The following KIF1B variants were observed in gnomAD, a reference collection of about 807,000 sequenced individuals.
KIF1B encodes the protein kinesin-like protein KIF1B.
A neutral mutation model predicts 241.9 loss-of-function variants in KIF1B; 76 were observed. That is an observed-to-expected ratio of 0.31 (90% CI 0.26 to 0.38). The LOEUF (loss-of-function observed/expected upper bound fraction) is 0.38. Ranked by LOEUF, KIF1B falls within the 10% of genes least tolerant of loss-of-function variation. The pLI is 1.00. For missense variants in KIF1B, 1,622 were observed against 2,271.4 expected, an observed-to-expected ratio of 0.71 and a Z score of 5.81; for synonymous variants, 750 against 796.7, an observed-to-expected ratio of 0.94 and a Z score of 0.99.
intron 37 of KIF1B, among the ~76,000 whole-genome samples, chr1:10,351,511 CAGAG>C (rs1652793094): frequency 1.3e-5 from 2 of 152,182 alleles, no homozygotes. Context: ...AACTGAGGCT[CAGAG>C]AGGTTGAGCC....
intron 38 of KIF1B, among the ~76,000 whole-genome samples, chr1:10,358,895 C>G (rs1638337823): frequency 2.0e-5 from 3 of 152,218 alleles, no homozygotes; most frequent in Admixed American, 2.0e-4. Context: ...TCCATCATTT[C>G]TGTTCCTGTT....
chr1:10,273,795 T>C (rs968653580), intron 10 of KIF1B, among the ~76,000 whole-genome samples: 2 of 150,558 alleles, frequency 1.3e-5, no homozygotes, highest in Admixed American at 1.3e-4. Flanking sequence ...GTACCCTTTT[T>C]CTGAATAGAA....
chr1:10,372,408 C>T (rs756476482), intron 45 of KIF1B, among the ~76,000 whole-genome samples: 10 of 151,418 alleles, frequency 6.6e-5, no homozygotes, highest in East Asian at 4.0e-4. Flanking sequence ...TGATGGCATG[C>T]GCCTGCGGTT....
At chr1:10,226,339 G>A (rs1230150716) in intron 1 of KIF1B, among the ~76,000 whole-genome samples, 2 of 152,136 alleles carry the variant, frequency 1.3e-5, no homozygotes, top group East Asian at 3.8e-4. Context: ...TAGAGGAGTC[G>A]AGTAGTCTAT....
At position 10,313,943 on chromosome 1, in the gene KIF1B, G is replaced by A. The variant is rs552434081; in HGVS notation, c.2116-6100G>A. ...GAGTTTCACTCTTGTTGCCCAGGCC[G>A]GAGTGCAGTGGCGAGATCTTGGCTC... On this transcript the variant is annotated intron_variant, in intron 22 of 48. Coordinates refer to ENST00000676179, the MANE Select transcript of KIF1B (RefSeq NM_001365951.3). Among the ~76,000 whole-genome samples the A allele has an allele frequency of 4.2e-4, 64 of 151,328 alleles. 3 individuals carry two copies. Among genetic ancestry groups the A allele is most frequent in the African/African-American group, 1.5e-3 (63 of 40,740 alleles).
At position 10,337,259 on chromosome 1, in the gene KIF1B, G is replaced by T; in HGVS notation, c.3259+56G>T. The T allele has an allele frequency of 6.2e-7, 1 of 1,613,376 alleles. No homozygotes were observed. On this transcript the variant is annotated intron_variant, in intron 30 of 48. Coordinates refer to ENST00000676179, the MANE Select transcript of KIF1B (RefSeq NM_001365951.3). This position sits in a 1 kb window ranked among gnomAD's most constrained non-coding sequence, Gnocchi z 4.0. ...ACATTTTCGACAAAGGGAAAATATT[G>T]ACCATTATCAAGGGACATAGTGGCC...
chr1:10,292,262 T>C lies in KIF1B; in HGVS notation c.1590+140T>C. 5.5e-6 allele frequency: 4 copies of C among 721,588 alleles called. No homozygotes were observed. The South Asian group carries it at 6.1e-5, about 11-fold the overall frequency. The allele number at this position is 721,588 out of a possible 1,614,324, so 44.7% of individuals were successfully genotyped here. On this transcript the variant is annotated intron_variant, in intron 17 of 48. Coordinates refer to ENST00000676179, the MANE Select transcript of KIF1B (RefSeq NM_001365951.3). The stretch of plus-strand genomic sequence containing the variant: ...GCCTTAATTTCAGATATTTCTGATT[T>C]CATCTTAGAGCATGGTCTTATAGTA...
intron 32 of KIF1B, 140 bp from the exon 33 acceptor site, chr1:10,341,910 G>A (rs944925279): frequency 1.3e-4 from 86 of 675,928 alleles, no homozygotes; most frequent in Middle Eastern, 4.0e-4. Context: ...GGGTGAGGCC[G>A]CATGAGCCTT....
chr1:10,346,085 T>G, intron 35 of KIF1B, 132 bp downstream of exon 35: 1 of 754,692 alleles, frequency 1.3e-6, no homozygotes, highest in Non-Finnish European at 2.3e-6. Context: ...TTGTTTTTGT[T>G]TTTGTTTTAA....
rs1649106975 is a variant in KIF1B at position 10,276,350 on chromosome 1, G to A, written c.988G>A (p.Ala330Thr). 6.2e-7 allele frequency: 1 copy of A among 1,613,778 alleles called. No homozygotes were observed. The change falls in exon 12 of 49, where the codon GCT (alanine) becomes ACT (threonine). Residue 330 changes from alanine to threonine, a missense_variant. Physicochemically the swap from Ala to Thr is moderately conservative, Grantham distance 58 (BLOSUM62 0). Around this residue, in one of 7 missense-constraint regions of KIF1B, gnomAD observed 201 missense variants for 301.2 expected, o/e 0.67. Coordinates refer to ENST00000676179, the MANE Select transcript of KIF1B (RefSeq NM_001365951.3). Reference protein sequence around the residue: ...GGNSRTAMVAALSPADINYDE... With the variant: ...GGNSRTAMVATLSPADINYDE... ...CAATTCTCGGACTGCAATGGTTGCT[G>A]CTCTGAGCCCCGCGGATATCAACTA...
intron 14 of KIF1B, among the ~76,000 whole-genome samples, chr1:10,279,928 C>T (rs1015911988): frequency 2.0e-5 from 3 of 151,938 alleles, no homozygotes; most frequent in Admixed American, 2.0e-4. Flanking sequence ...GTCTGGAACC[C>T]CTGACCTCAA....
chr1:10,308,010 G>A (rs1650910792), intron 22 of KIF1B: 1 of 1,057,264 alleles, frequency 9.5e-7, no homozygotes, highest in Non-Finnish European at 1.1e-6. Context: ...TGTGCTTTAG[G>A]TGCAGGTTGA....
chr1:10,370,552 AG>A (rs781626345), intron 44 of KIF1B, among the ~76,000 whole-genome samples: 27 of 150,856 alleles, frequency 1.8e-4, no homozygotes, highest in South Asian at 2.1e-4. Context: ...AGACATAGCA[AG>A]ACCTTATCTC....
chr1:10,378,753 T>C lies in KIF1B; in HGVS notation c.*2166T>C, dbSNP rs1638951608. On this transcript the variant is annotated 3_prime_UTR_variant, in exon 49 of 49. Transcript: ENST00000676179. ...ATCTCTGAAGAACAGGTCTCCCAGC[T>C]TCGCTCCTTATCACTGCATTGTGAA... The C allele has an allele frequency of 9.1e-6, 3 of 330,424 alleles. No individual in the cohort carries two copies. Among genetic ancestry groups the C allele is most frequent in the Admixed American group, 4.5e-5 (1 of 22,338 alleles). 20.5% of individuals were successfully genotyped at this position (330,424 alleles called of 1,614,324 possible).
At chr1:10,338,522 G>GT (rs937713175) in intron 31 of KIF1B, among the ~76,000 whole-genome samples, 4 of 152,192 alleles carry the variant, frequency 2.6e-5, no homozygotes, top group Admixed American at 2.0e-4. Flanking sequence ...AGATGAATCT[G>GT]TTTTTTGGAA....
chr1:10,320,407 G>A (rs1651473908), intron 23 of KIF1B, among the ~76,000 whole-genome samples: 1 of 152,126 alleles, frequency 6.6e-6, no homozygotes, highest in Admixed American at 6.5e-5. Flanking sequence ...AAGTTGACCT[G>A]CACTGTCTCT....
At chr1:10,363,439 C>T (rs1638479615) in intron 41 of KIF1B, 95 bp downstream of exon 41, 1 of 1,100,420 alleles carries the variant, frequency 9.1e-7, no homozygotes, top group Non-Finnish European at 1.4e-6. Context: ...CACCTGTAAT[C>T]CCAGCGCTTT....
intron 2 of KIF1B, among the ~76,000 whole-genome samples, chr1:10,254,599 A>T (rs58549151): frequency 1.3e-5 from 2 of 151,968 alleles, no homozygotes; most frequent in South Asian, 4.1e-4. Context: ...TTTCATGGCC[A>T]GGCGCGGTGG....
chr1:10,308,396 G>T (rs1411908536), intron 22 of KIF1B: 1 of 1,048,316 alleles, frequency 9.5e-7, no homozygotes, highest in East Asian at 5.6e-5. Context: ...ATTAGGTGTT[G>T]TCCCATTATT....
Sources: gnomAD v4.1 joint callset for allele counts (sites outside exome capture counted in the v4.1 genomes callset) on GRCh38, gnomAD v4.1.1 for gene constraint, gnomAD v4.1.1 regional missense constraint, Gnocchi (gnomAD v3.1) non-coding constraint, MANE v1.5 for transcripts, NCBI Gene and HGNC (gene_info 2026-07-23, HGNC 2026-07-21) for gene names.